The following USP35 variants were observed in gnomAD, a reference collection of about 807,000 sequenced individuals.
USP35 encodes the protein ubiquitin carboxyl-terminal hydrolase 35.
USP35 carries 69 observed loss-of-function variants against 83.8 expected under a neutral mutation model. That is an observed-to-expected ratio of 0.82 (90% CI 0.68 to 1.01). The LOEUF (loss-of-function observed/expected upper bound fraction) is 1.01. Ranked by LOEUF, USP35 falls within the 50% of genes least tolerant of loss-of-function variation. USP35 has a pLI of 0.00. For missense variants in USP35, 1,503 were observed against 1,362.5 expected (o/e 1.10, Z -1.62); for synonymous variants, 714 against 589.5 (o/e 1.21, Z -3.06).
chr11:78,210,237 G>C lies in USP35; in HGVS notation c.2382G>C (p.Val794=). The change falls in exon 10 of 11, where the codon GTG becomes GTC. Residue 794 remains valine (V), a synonymous_variant. Coordinates refer to ENST00000529308, the MANE Select transcript of USP35 (RefSeq NM_020798.4). ...SCASLQDAEK[V]VELSQGPCYL... is the part of the protein sequence containing the mutation. ...CCTCCCTGCAGGATGCCGAGAAGGTGGTGGAGCTGAGCCAAGGGCCGTGCT... is the reference window on the plus strand; with the variant it reads ...CCTCCCTGCAGGATGCCGAGAAGGTCGTGGAGCTGAGCCAAGGGCCGTGCT... 1 of 1,614,052 alleles carries C rather than the reference G, an allele frequency of 6.2e-7. No homozygotes were observed. The highest frequency in any genetic ancestry group is 8.5e-7 in the Non-Finnish European group (1 of 1,180,024).
At position 78,196,581 on chromosome 11, in the gene USP35, C is replaced by G; in HGVS notation, c.336C>G (p.Pro112=). 24 of 1,246,426 alleles carry G rather than the reference C, an allele frequency of 1.9e-5. No individual in the cohort carries two copies. Among genetic ancestry groups the G allele is most frequent in the Non-Finnish European group, 2.4e-5 (24 of 993,636 alleles). 77.2% of individuals were successfully genotyped at this position (1,246,426 alleles called of 1,614,324 possible). A position where few individuals can be genotyped will look rare whatever the true frequency, so the allele number is the denominator to read the frequency against. Residue 112 remains proline, a synonymous_variant, in exon 2 of 11, where the codon CCC becomes CCG. Coordinates refer to ENST00000529308, the MANE Select transcript of USP35 (RefSeq NM_020798.4). This position sits in a 1 kb window ranked among gnomAD's most constrained non-coding sequence, Gnocchi z 4.8. ...TGCAGCTGGGTCTGCAGCTGCTGCC[C>G]GAGGGGCCTGCGGCCGACGAGGTGT... ...ACVQLGLQLL[P]EGPAADEVFA...
the USP35 span, among the ~76,000 whole-genome samples, chr11:78,228,510 T>G: frequency 6.6e-6 from 1 of 152,170 alleles, no homozygotes; most frequent in Non-Finnish European, 1.5e-5. Context: ...CCTGGACCTT[T>G]TGCCTTATAG....
Position 78,199,642 on chromosome 11 carries a change from G to C in USP35, c.854G>C (p.Trp285Ser), listed in dbSNP as rs1261262192. 1.9e-6 allele frequency: 3 copies of C among 1,614,212 alleles called. No homozygotes were observed. The East Asian group carries it at 6.7e-5, about 36-fold the overall frequency. ...SWPLGKNIDK[W>S]IIALLKGLAA... ...CCCCTGGGGAAGAATATTGACAAGTGGATCATTGCACTGCTGAAGGGCCTG... is the reference window on the plus strand; with the variant it reads ...CCCCTGGGGAAGAATATTGACAAGTCGATCATTGCACTGCTGAAGGGCCTG... The change falls in exon 4 of 11, where the codon TGG (tryptophan) becomes TCG (serine). Residue 285 changes from tryptophan (W) to serine (S), a missense_variant. Coordinates refer to ENST00000529308, the MANE Select transcript of USP35 (RefSeq NM_020798.4).
At position 78,199,566 on chromosome 11, in the gene USP35, C is replaced by A. The variant is rs765983071; in HGVS notation, c.807-29C>A. 3.1e-6 allele frequency: 5 copies of A among 1,613,938 alleles called. No individual in the cohort carries two copies. In the East Asian group the frequency reaches 1.1e-4, roughly 36 times the overall value. On this transcript the variant is annotated intron_variant, in intron 3 of 10. Coordinates refer to ENST00000529308, the MANE Select transcript of USP35 (RefSeq NM_020798.4). ...CCCCAGCATTTTGGGTGTCCCTTGT[C>A]CCTGTGTCACTGTCACTCCCCTCAC...
At chr11:78,226,541 T>C in the USP35 span, 1 of 1,609,622 alleles carries the variant, frequency 6.2e-7, no homozygotes, top group Non-Finnish European at 8.5e-7. Context: ...ATCTGCTATT[T>C]TCACTGATTG....
At chr11:78,222,999 G>A in the USP35 span, among the ~76,000 whole-genome samples, 4 of 152,190 alleles carry the variant, frequency 2.6e-5, no homozygotes, top group Non-Finnish European at 5.9e-5. Flanking sequence ...AGGGCTTGAG[G>A]GCTTCAGTTC....
the USP35 span, among the ~76,000 whole-genome samples, chr11:78,223,255 C>G: frequency 6.6e-6 from 1 of 152,176 alleles, no homozygotes; most frequent in Admixed American, 6.5e-5. Flanking sequence ...GTAGGAATTA[C>G]CATCTGCATT....
downstream of USP35, chr11:78,220,201 C>T (rs1357930976): frequency 1.9e-6 from 2 of 1,028,952 alleles, no homozygotes; most frequent in Non-Finnish European, 2.9e-6. Flanking sequence ...AAGCTGGGTA[C>T]TGGAGCAGGA....
downstream of USP35, chr11:78,217,375 G>C (rs1864200479): frequency 6.6e-6 from 1 of 152,238 alleles, no homozygotes; most frequent in Non-Finnish European, 1.5e-5. Flanking sequence ...CTAAACTAAT[G>C]CTAGGAGGAG....
rs1480217584 is a variant in USP35, at chr11:78,203,894, T to TTC, written c.1198-1947_1198-1946insCT. Among the ~76,000 whole-genome samples the TTC allele has an allele frequency of 4.4e-5, 6 of 136,324 alleles. 1 individual carries two copies. The allele number at this position is 136,324 out of a possible 152,430, so 89.4% of individuals were successfully genotyped here. ...TACCCAGCCCATATTTTTCTTTTCT[T>TTC]TTTTTTTTTTTTTTGAGACGGAGTC... On this transcript the variant is annotated intron_variant, in intron 6 of 10. Coordinates refer to ENST00000529308, the MANE Select transcript of USP35 (RefSeq NM_020798.4).
At chr11:78,220,330 G>T in the USP35 span, 1 of 1,612,538 alleles carries the variant, frequency 6.2e-7, no homozygotes, top group South Asian at 1.1e-5. Flanking sequence ...TTGCGGTGGG[G>T]GCTTGGGGAG....
intron 6 of USP35, among the ~76,000 whole-genome samples, chr11:78,204,904 G>A (rs1197871282): frequency 2.0e-5 from 3 of 152,238 alleles, no homozygotes; most frequent in Non-Finnish European, 4.4e-5. Flanking sequence ...GCCACAGGAT[G>A]TGCACTGGGG....
In USP35 at chr11:78,213,772, G is replaced by A. The variant is rs757095308; in HGVS notation, c.3016G>A (p.Ala1006Thr). 4 of 1,550,608 alleles carry A rather than the reference G, an allele frequency of 2.6e-6. No homozygotes were observed. Among genetic ancestry groups the A allele is most frequent in the Non-Finnish European group, 3.5e-6 (4 of 1,156,658 alleles). ...DEGSPGGCNP[A>T]GGNGGDFHRL... is the part of the protein sequence containing the mutation. ...AGGCTCTCCAGGGGGCTGCAATCCT[G>A]CAGGTGGCAATGGTGGTGACTTCCA... The change falls in exon 11 of 11, where the codon GCA (alanine) becomes ACA (threonine). Residue 1006 changes from alanine (A) to threonine (T), a missense_variant. Transcript: ENST00000529308.
At chr11:78,221,322 C>T in the USP35 span, among the ~76,000 whole-genome samples, 1 of 152,190 alleles carries the variant, frequency 6.6e-6, no homozygotes, top group Non-Finnish European at 1.5e-5. Context: ...GAGTTATGTG[C>T]ACGTATGCCT....
rs1441179750 is a variant in USP35 at position 78,206,016 on chromosome 11, G to A, written c.1372G>A (p.Ala458Thr). The A allele has an allele frequency of 1.9e-6, 3 of 1,613,458 alleles. No individual in the cohort carries two copies. The highest frequency in any genetic ancestry group is 2.7e-5 in the African/African-American group (2 of 74,934). The change falls in exon 7 of 11, where the codon GCC (alanine) becomes ACC (threonine). Residue 458 changes from alanine (A) to threonine (T), a missense_variant. Ala to Thr is a moderately conservative substitution (Grantham distance 58). Transcript: ENST00000529308. ...ATGCTATGTCAACAGCATCCTTCAG[G>A]CCTTATTCATGGCGTCTGAGTAGGT... The part of the protein sequence containing the change: ...NTCYVNSILQ[A>T]LFMASDFRHC...
intron 1 of USP35, among the ~76,000 whole-genome samples, chr11:78,194,421 C>A (rs1406899774): frequency 6.6e-6 from 1 of 152,196 alleles, no homozygotes; most frequent in East Asian, 1.9e-4. Context: ...AAATTTAAGG[C>A]TTGTCCACAC....
At chr11:78,216,208 C>T (rs1269023629), downstream of USP35, 1 of 152,430 alleles carries the variant, frequency 6.6e-6, no homozygotes, top group Non-Finnish European at 1.5e-5. Flanking sequence ...TATTTCTCAT[C>T]GTTCTCACTT....
the USP35 span, chr11:78,223,607 C>A: frequency 6.2e-7 from 1 of 1,613,508 alleles, no homozygotes; most frequent in African/African-American, 1.3e-5. Context: ...GTGGAAGAAC[C>A]TGGATTCATG....
rs2510044 is a variant in USP35, at chr11:78,197,968, G to A, written c.706G>A (p.Val236Met). 254,652 of 1,614,046 alleles carry A rather than the reference G, an allele frequency of 0.16. 23,984 individuals carry two copies. Among genetic ancestry groups the A allele is most frequent in the East Asian group, 0.37 (16,757 of 44,862 alleles). Residue 236 changes from valine to methionine, a missense_variant, in exon 3 of 11, where the codon GTG (valine) becomes ATG (methionine). By Grantham distance (21) the Val-to-Met change is conservative. Coordinates refer to ENST00000529308, the MANE Select transcript of USP35 (RefSeq NM_020798.4). Reference sequence around the variant, plus strand: ...GCCACCATCTAGCGCCCTGGCCAGCGTGGTCCAGCACCTCCCATTGGAGCT... The same window carrying A: ...GCCACCATCTAGCGCCCTGGCCAGCATGGTCCAGCACCTCCCATTGGAGCT... ...EEPPSSALAS[V>M]VQHLPLELMD...
Sources: allele counts gnomAD v4.1 joint callset (sites outside exome capture counted in the v4.1 genomes callset), GRCh38; gene constraint gnomAD v4.1.1; non-coding constraint Gnocchi (gnomAD v3.1); transcripts MANE v1.5; gene names NCBI Gene and HGNC (gene_info 2026-07-23, HGNC 2026-07-21).